STPG2: variants seen among roughly 807,000 people sequenced by gnomAD.
STPG2 encodes the protein sperm-tail PG-rich repeat-containing protein 2.
In STPG2, 56 loss-of-function variants were observed where a neutral mutation model predicts 54.2. The observed-to-expected ratio is 1.03, with a 90% CI of 0.83 to 1.29. STPG2 has a LOEUF of 1.29. STPG2 is among the 50% of genes most tolerant of loss of function. STPG2 has a pLI of 0.00. For synonymous variants in STPG2, 200 were observed against 181.8 expected (o/e 1.10, Z -0.81); for missense variants, 596 against 544.9 (o/e 1.09, Z -0.93).
At chr4:97,787,491 T>C (rs1022415128) in intron 9 of STPG2, among the ~76,000 whole-genome samples, 3 of 152,096 alleles carry the variant, frequency 2.0e-5, no homozygotes, top group Non-Finnish European at 4.4e-5. Context: ...GATGTGAATA[T>C]ATTTAACCTT....
intron 5 of STPG2, among the ~76,000 whole-genome samples, chr4:98,086,661 T>A (rs1408081647): frequency 1.7e-4 from 8 of 48,138 alleles, no homozygotes; most frequent in Non-Finnish European, 2.0e-4. Context: ...CACAGATGCA[T>A]GCCAGAAAAA....
chr4:97,493,805 T>C (rs918189354), intron 4 of STPG2, among the ~76,000 whole-genome samples: 1 of 151,548 alleles, frequency 6.6e-6, no homozygotes, highest in African/African-American at 2.4e-5. Flanking sequence ...AGATCAAAGA[T>C]GAAATTGTTT....
At chr4:97,734,373 TA>T (rs919842071) in intron 9 of STPG2, among the ~76,000 whole-genome samples, 11 of 152,278 alleles carry the variant, frequency 7.2e-5, no homozygotes, top group Middle Eastern at 3.4e-3. Context: ...ACTCAGGTAT[TA>T]AGCCAGGTAC....
intron 8 of STPG2, among the ~76,000 whole-genome samples, chr4:97,889,674 GT>G (rs1243676550): frequency 6.6e-6 from 1 of 152,148 alleles, no homozygotes; most frequent in African/African-American, 2.4e-5. Flanking sequence ...AAGGGAAAAA[GT>G]TTGGGGGAAA....
At chr4:97,765,016 C>T (rs1029179000) in intron 9 of STPG2, among the ~76,000 whole-genome samples, 3 of 152,068 alleles carry the variant, frequency 2.0e-5, no homozygotes, top group African/African-American at 4.8e-5. Context: ...TTATAATTCT[C>T]AGTGGGTACT....
At chr4:98,037,967 C>T (rs1736825906) in intron 5 of STPG2, among the ~76,000 whole-genome samples, 1 of 152,004 alleles carries the variant, frequency 6.6e-6, no homozygotes, top group African/African-American at 2.4e-5. Context: ...AGAGATATAG[C>T]ATGGTTTAGA....
At position 98,121,390 on chromosome 4, in the gene STPG2, T is replaced by A. The variant is rs144286830; in HGVS notation, c.387+7038A>T. ...CTATACAGACTCTTTTGGTTCCATATGAATTTTAAAATAGCTTTTACTAAT... is the reference window on the plus strand; with the variant it reads ...CTATACAGACTCTTTTGGTTCCATAAGAATTTTAAAATAGCTTTTACTAAT... On this transcript the variant is annotated intron_variant, in intron 3 of 10. Transcript: ENST00000295268. Among the ~76,000 whole-genome samples the A allele has an allele frequency of 5.6e-4, 85 of 152,342 alleles. No homozygotes were observed. The East Asian group carries it at 0.016, about 28-fold the overall frequency.
At chr4:97,979,839 C>T (rs914272845) in intron 6 of STPG2, among the ~76,000 whole-genome samples, 3 of 151,974 alleles carry the variant, frequency 2.0e-5, no homozygotes, top group Non-Finnish European at 4.4e-5. Context: ...ATTCCCCTGC[C>T]TCAGCCTCCC....
chr4:98,114,038 T>C (rs1328103523), intron 3 of STPG2, among the ~76,000 whole-genome samples: 11 of 128,108 alleles, frequency 8.6e-5, no homozygotes, highest in Admixed American at 5.9e-4. Context: ...TCCACTAGAG[T>C]AGTTGAAAAC....
rs182734656 is a variant in STPG2 at position 97,618,231 on chromosome 4, G to A, written c.1321-59114C>T. The stretch of plus-strand genomic sequence containing the variant: ...CTTCTGCCTGGGTCTCTTAGAATGC[G>A]CCTTTTTGGGAAGCTTCCTCTGGTA... On this transcript the variant is annotated intron_variant, in intron 10 of 10. Transcript: ENST00000295268. 4.3e-4 allele frequency among the ~76,000 whole-genome samples: 65 copies of A among 152,152 alleles called. 1 individual carries two copies. The highest frequency in any genetic ancestry group is 1.9e-3 in the Admixed American group (29 of 15,266).
At chr4:98,043,631 T>A (rs972825132) in intron 5 of STPG2, among the ~76,000 whole-genome samples, 3 of 152,114 alleles carry the variant, frequency 2.0e-5, no homozygotes, top group Admixed American at 2.0e-4. Flanking sequence ...GATGTAAAAT[T>A]TACATGTATT....
At chr4:97,811,129 G>A (rs1727725931) in intron 9 of STPG2, among the ~76,000 whole-genome samples, 1 of 151,878 alleles carries the variant, frequency 6.6e-6, no homozygotes, top group Non-Finnish European at 1.5e-5. Flanking sequence ...CAAACAGGTT[G>A]TTGATGGGTA....
At chr4:98,106,913 C>A (rs1207641119) in intron 4 of STPG2, among the ~76,000 whole-genome samples, 2 of 152,030 alleles carry the variant, frequency 1.3e-5, no homozygotes, top group Non-Finnish European at 2.9e-5. Context: ...AAATCTGATA[C>A]CCAACATTTC....
chr4:98,089,488 T>C (rs1391702842), intron 5 of STPG2, among the ~76,000 whole-genome samples: 5 of 152,110 alleles, frequency 3.3e-5, no homozygotes, highest in Non-Finnish European at 5.9e-5. Context: ...ATCTTTGCAA[T>C]TGCGAACTGT....
At chr4:97,528,593 A>G (rs898120556) in intron 4 of STPG2, among the ~76,000 whole-genome samples, 10 of 152,106 alleles carry the variant, frequency 6.6e-5, no homozygotes, top group African/African-American at 2.4e-4. Context: ...CTTGGGCAGT[A>G]TGGCCATTTT....
At chr4:97,622,006 A>G (rs1293048281) in intron 10 of STPG2, among the ~76,000 whole-genome samples, 1 of 152,238 alleles carries the variant, frequency 6.6e-6, no homozygotes, top group Non-Finnish European at 1.5e-5. Context: ...CATTACATAA[A>G]TAGAACTTTA....
intron 10 of STPG2, among the ~76,000 whole-genome samples, chr4:97,631,152 G>T (rs1721264796): frequency 6.6e-6 from 1 of 151,842 alleles, no homozygotes; most frequent in South Asian, 2.1e-4. Flanking sequence ...TTCTATCAAG[G>T]ATAAGCAATT....
intron 7 of STPG2, among the ~76,000 whole-genome samples, chr4:97,967,115 T>G (rs1015662630): frequency 2.7e-5 from 4 of 145,828 alleles, no homozygotes; most frequent in African/African-American, 1.0e-4. Flanking sequence ...AGGAGATCCA[T>G]CTCACATGCA....
At chr4:97,862,619 C>T (rs1324370023) in intron 8 of STPG2, among the ~76,000 whole-genome samples, 3 of 152,118 alleles carry the variant, frequency 2.0e-5, no homozygotes, top group African/African-American at 7.2e-5. Flanking sequence ...GCAGAACGGT[C>T]CACCCCAAAT....
Sources: allele counts gnomAD v4.1 joint callset (sites outside exome capture counted in the v4.1 genomes callset), GRCh38; gene constraint gnomAD v4.1.1; transcripts MANE v1.5; gene names NCBI Gene and HGNC (gene_info 2026-07-23, HGNC 2026-07-21).